The following POU6F2 variants were observed in gnomAD, a reference collection of about 807,000 sequenced individuals.
POU6F2 encodes POU domain, class 6, transcription factor 2.
POU6F2 carries 31 observed loss-of-function variants against 71.3 expected under a neutral mutation model. The observed-to-expected ratio is 0.43, with a 90% CI of 0.33 to 0.59. POU6F2 has a LOEUF of 0.59. POU6F2 is among the 20% of genes least tolerant of loss of function. The pLI is 0.04. For missense variants in POU6F2, 783 were observed against 856.8 expected, an observed-to-expected ratio of 0.91 and a Z score of 1.07; for synonymous variants, 347 against 355.7, an observed-to-expected ratio of 0.98 and a Z score of 0.27.
At chr7:39,279,826 A>G (rs2128759409) in intron 4 of POU6F2, among the ~76,000 whole-genome samples, 1 of 152,198 alleles carries the variant, frequency 6.6e-6, no homozygotes, top group South Asian at 2.1e-4. Context: ...GGCTTCCTGC[A>G]ACCTCCACCT....
chr7:39,284,419 A>G lies in POU6F2; in HGVS notation c.599-55223A>G, dbSNP rs146606535. Among the ~76,000 whole-genome samples, 719 of 152,350 alleles carry G rather than the reference A, an allele frequency of 4.7e-3. 7 individuals are homozygous for G. Among genetic ancestry groups the G allele is most frequent in the African/African-American group, 0.017 (698 of 41,592 alleles). ...GGTTTGAAAAGGCTGCTGTTCTTAC[A>G]TGTATTTTCTCCAATGAATGTGCTG... On this transcript the variant is annotated intron_variant, in intron 4 of 9. Coordinates refer to ENST00000518318, the MANE Select transcript of POU6F2 (RefSeq NM_001370959.1).
At chr7:39,430,080 A>C (rs1194053725) in intron 6 of POU6F2, among the ~76,000 whole-genome samples, 2 of 152,190 alleles carry the variant, frequency 1.3e-5, no homozygotes, top group East Asian at 3.8e-4. Flanking sequence ...GCATAAGCGA[A>C]ATAGGCACAT....
At chr7:39,268,363 G>A (rs1037461062) in intron 4 of POU6F2, among the ~76,000 whole-genome samples, 3 of 152,114 alleles carry the variant, frequency 2.0e-5, no homozygotes, top group African/African-American at 7.2e-5. Flanking sequence ...GTACTTGTGG[G>A]ACAATCATAC....
intron 4 of POU6F2, among the ~76,000 whole-genome samples, chr7:39,297,811 A>G (rs1482552971): frequency 6.6e-6 from 1 of 152,206 alleles, no homozygotes; most frequent in East Asian, 1.9e-4. Context: ...ACAGACATAC[A>G]GATCAATGGA....
At chr7:38,996,028 G>A in intron 1 of POU6F2, among the ~76,000 whole-genome samples, 1 of 121,344 alleles carries the variant, frequency 8.2e-6, no homozygotes, top group South Asian at 2.6e-4. Context: ...CTTAGTAAGG[G>A]GCTTGGCTTT....
intron 4 of POU6F2, among the ~76,000 whole-genome samples, chr7:39,234,555 CAAAGT>C (rs905750316): frequency 6.6e-6 from 1 of 151,966 alleles, no homozygotes; most frequent in Non-Finnish European, 1.5e-5. Flanking sequence ...GGGAAGGAGA[CAAAGT>C]AAAGGAACAA....
At chr7:39,043,228 C>G (rs1010558842) in intron 1 of POU6F2, among the ~76,000 whole-genome samples, 5 of 151,868 alleles carry the variant, frequency 3.3e-5, no homozygotes, top group African/African-American at 1.2e-4. Context: ...CTGAATTCCA[C>G]CACCTTTTTA....
intron 4 of POU6F2, among the ~76,000 whole-genome samples, chr7:39,284,443 T>C (rs1171451030): frequency 1.3e-5 from 2 of 152,240 alleles, no homozygotes; most frequent in African/African-American, 4.8e-5. Flanking sequence ...ATGAATGTGC[T>C]GGAGGAAATT....
chr7:39,274,254 A>G (rs535804300), intron 4 of POU6F2, among the ~76,000 whole-genome samples: 38 of 152,336 alleles, frequency 2.5e-4, no homozygotes, highest in Non-Finnish European at 5.9e-5. Flanking sequence ...AACTACCATC[A>G]GAGAATACTA....
chr7:39,185,807 ATG>A (rs1386302525), intron 2 of POU6F2, among the ~76,000 whole-genome samples: 593 of 22,068 alleles, frequency 0.027, 3 homozygotes, highest in African/African-American at 0.21. Context: ...ACATATATAT[ATG>A]TATATGTATA....
intron 4 of POU6F2, among the ~76,000 whole-genome samples, chr7:39,250,536 A>G (rs1051278835): frequency 6.6e-6 from 1 of 152,266 alleles, no homozygotes; most frequent in African/African-American, 2.4e-5. Context: ...CTCCTTATTC[A>G]CTAATAGTTC....
At chr7:39,006,279 C>A (rs1002302666) in intron 1 of POU6F2, among the ~76,000 whole-genome samples, 1 of 152,228 alleles carries the variant, frequency 6.6e-6, no homozygotes, top group Admixed American at 6.5e-5. Context: ...GCCTGGCCAA[C>A]ATGGTGACAC....
At chr7:39,113,157 A>C (rs1298740299) in intron 2 of POU6F2, among the ~76,000 whole-genome samples, 3 of 152,174 alleles carry the variant, frequency 2.0e-5, no homozygotes, top group Admixed American at 2.0e-4. Context: ...GCCTCTTGGT[A>C]CCCACTTTAT....
At chr7:39,062,216 C>G (rs1790672004) in intron 1 of POU6F2, among the ~76,000 whole-genome samples, 1 of 151,824 alleles carries the variant, frequency 6.6e-6, no homozygotes, top group African/African-American at 2.4e-5. Context: ...AGTGAAAAGG[C>G]AAATAATGTG....
chr7:38,989,646 A>G (rs1212159193), intron 1 of POU6F2, among the ~76,000 whole-genome samples: 1 of 152,148 alleles, frequency 6.6e-6, no homozygotes, highest in Non-Finnish European at 1.5e-5. Context: ...TGTTAAAAGT[A>G]TTCTTTAACT....
intron 4 of POU6F2, among the ~76,000 whole-genome samples, chr7:39,311,955 A>T (rs1417715824): frequency 6.6e-6 from 1 of 152,238 alleles, no homozygotes; most frequent in Non-Finnish European, 1.5e-5. Flanking sequence ...ATTATGAACC[A>T]GAATAACATG....
intron 5 of POU6F2, among the ~76,000 whole-genome samples, chr7:39,370,601 C>G (rs983716789): frequency 3.3e-5 from 5 of 152,190 alleles, no homozygotes; most frequent in African/African-American, 4.8e-5. Context: ...CAACTATGCC[C>G]CCTCCCCACC....
intron 2 of POU6F2, among the ~76,000 whole-genome samples, chr7:39,147,638 G>A (rs1277355116): frequency 6.6e-6 from 1 of 152,066 alleles, no homozygotes; most frequent in Non-Finnish European, 1.5e-5. Flanking sequence ...CAGTGTTTTT[G>A]CATTTCTGTT....
At chr7:39,287,838 G>C (rs1251878298) in intron 4 of POU6F2, among the ~76,000 whole-genome samples, 1 of 151,876 alleles carries the variant, frequency 6.6e-6, no homozygotes, top group East Asian at 1.9e-4. Context: ...GTGATTTCTG[G>C]GCACATGAAT....
Sources: gnomAD v4.1 joint callset for allele counts (sites outside exome capture counted in the v4.1 genomes callset) on GRCh38, gnomAD v4.1.1 for gene constraint, MANE v1.5 for transcripts, NCBI Gene and HGNC (gene_info 2026-07-23, HGNC 2026-07-21) for gene names.